Variants in COL5A1 observed in about 807,000 individuals in gnomAD.
COL5A1 encodes the protein collagen alpha-1(V) chain.
In COL5A1, 16 loss-of-function variants were observed where a neutral mutation model predicts 263.7. The ratio of observed to expected loss-of-function variants is 0.06; its 90% CI spans 0.04 to 0.09. The LOEUF is 0.09. Ranked by LOEUF, COL5A1 falls within the 10% of genes least tolerant of loss-of-function variation. The pLI is 1.00. For missense variants in COL5A1, 2,036 were observed against 2,540.5 expected (o/e 0.80, Z 4.27); for synonymous variants, 1,012 against 1,004.5 (o/e 1.01, Z -0.14).
At chr9:134,792,520 T>C (rs1291599816) in intron 32 of COL5A1, among the ~76,000 whole-genome samples, 2 of 152,062 alleles carry the variant, frequency 1.3e-5, no homozygotes, top group African/African-American at 4.8e-5. Flanking sequence ...AGATTACAGA[T>C]CGCCTGGCTA....
At chr9:134,704,534 G>A (rs1157441207) in intron 4 of COL5A1, among the ~76,000 whole-genome samples, 2 of 152,178 alleles carry the variant, frequency 1.3e-5, no homozygotes, top group Non-Finnish European at 2.9e-5. Flanking sequence ...CTGGTCGAAC[G>A]GTAAGTCACA....
chr9:134,826,816 G>A (rs866771416), intron 63 of COL5A1, among the ~76,000 whole-genome samples: 3 of 151,170 alleles, frequency 2.0e-5, no homozygotes, highest in East Asian at 3.9e-4. Context: ...AGGTGTGTGG[G>A]TGTGTGGCTG....
rs767266957 is a variant in COL5A1 at position 134,699,945 on chromosome 9, C to A, written c.314C>A (p.Thr105Asn). The change falls in exon 3 of 66, where the codon ACT (threonine) becomes AAT (asparagine). Residue 105 changes from threonine to asparagine, a missense_variant. Physicochemically the swap from Thr to Asn is moderately conservative, Grantham distance 65. Coordinates refer to ENST00000371817, the MANE Select transcript of COL5A1 (RefSeq NM_000093.5). ...CCCGAGGACTTCTCCATCCTAACAA[C>A]TGTGAAAGCCAAGAAAGGCAGCCAG... ...AFPEDFSILT[T>N]VKAKKGSQAF... is the part of the protein sequence containing the mutation. The A allele has an allele frequency of 1.9e-6, 3 of 1,614,026 alleles. No individual in the cohort carries two copies. The highest frequency in any genetic ancestry group is 2.5e-6 in the Non-Finnish European group (3 of 1,180,046).
At chr9:134,728,580 T>C (rs374518705) in intron 5 of COL5A1, 90 bp from the exon 6 acceptor site, 5 of 1,582,014 alleles carry the variant, frequency 3.2e-6, no homozygotes, top group Non-Finnish European at 3.5e-6. Context: ...CGTCGTGGCG[T>C]GCAGATCTGG....
chr9:134,664,937 G>A (rs1447526394), intron 1 of COL5A1, among the ~76,000 whole-genome samples: 1 of 152,104 alleles, frequency 6.6e-6, no homozygotes, highest in Non-Finnish European at 1.5e-5. Flanking sequence ...GGTGGCTCAC[G>A]CCTGTAATTC....
intron 4 of COL5A1, among the ~76,000 whole-genome samples, chr9:134,724,013 G>T (rs1422485047): frequency 6.6e-6 from 1 of 152,010 alleles, no homozygotes; most frequent in Non-Finnish European, 1.5e-5. Context: ...TGAGCCCCGA[G>T]GTCCTCCCCT....
chr9:134,817,884 C>T, intron 54 of COL5A1, 53 bp downstream of exon 54: 2 of 1,532,686 alleles, frequency 1.3e-6, no homozygotes, highest in South Asian at 2.4e-5. Context: ...CCAGGGGAGC[C>T]CAGAGGGTGG....
chr9:134,728,930 G>T, intron 6 of COL5A1, 123 bp downstream of exon 6: 1 of 1,286,624 alleles, frequency 7.8e-7, no homozygotes, highest in South Asian at 1.3e-5. Flanking sequence ...AAGGTTGCGG[G>T]GGCAGCTCAG....
At chr9:134,786,837 C>A (rs1837476771) in intron 31 of COL5A1, among the ~76,000 whole-genome samples, 1 of 152,254 alleles carries the variant, frequency 6.6e-6, no homozygotes, top group South Asian at 2.1e-4. Flanking sequence ...GAGGCATCTC[C>A]TTTTAGCCTC....
chr9:134,822,890 C>A, intron 59 of COL5A1, 108 bp from the exon 60 acceptor site: 2 of 1,218,966 alleles, frequency 1.6e-6, no homozygotes, highest in Non-Finnish European at 2.4e-6. Flanking sequence ...GAGGGGGATG[C>A]GGGTGGGAGA....
At position 134,789,254 on chromosome 9, in the gene COL5A1, C is replaced by T. The variant is rs34636935; in HGVS notation, c.2700+46C>T. Reference sequence around the variant, plus strand: ...GGGCAGGCAGCTTGTTCGGCTGCCTCGGTGCCTAGCAAGTTGGTTCTCCAG... The same window carrying T: ...GGGCAGGCAGCTTGTTCGGCTGCCTTGGTGCCTAGCAAGTTGGTTCTCCAG... On this transcript the variant is annotated intron_variant, in intron 32 of 65. Transcript: ENST00000371817. The surrounding 1 kb of genome is among the most constrained non-coding windows in gnomAD (Gnocchi z 4.8). 71,900 of 1,526,274 alleles carry T rather than the reference C, an allele frequency of 0.047. 1,842 individuals carry two copies. The highest frequency in any genetic ancestry group is 0.054 in the Non-Finnish European group (59,446 of 1,103,852). The allele number at this position is 1,526,274 out of a possible 1,614,324, so 94.5% of individuals were successfully genotyped here.
chr9:134,694,660 A>G (rs879818840), intron 2 of COL5A1, among the ~76,000 whole-genome samples: 12 of 152,202 alleles, frequency 7.9e-5, no homozygotes, highest in Non-Finnish European at 1.8e-4. Context: ...CTCAACCCTG[A>G]GCCACGGTTG....
chr9:134,835,546 C>A (rs1473733791), intron 65 of COL5A1, among the ~76,000 whole-genome samples: 1 of 152,214 alleles, frequency 6.6e-6, no homozygotes, highest in Non-Finnish European at 1.5e-5. Flanking sequence ...CTGGGAGCCT[C>A]CCTCTCCTTG....
chr9:134,700,621 G>A lies in COL5A1; in HGVS notation c.491+499G>A, dbSNP rs1022792085. Among the ~76,000 whole-genome samples the A allele has an allele frequency of 2.6e-5, 4 of 152,090 alleles. No individual in the cohort carries two copies. The highest frequency in any genetic ancestry group is 4.4e-5 in the Non-Finnish European group (3 of 68,016). ...GTGAGGTCATGCCCTGATAATCTCC[G>A]AACGTCTTCAATACATGATTTCTGA... On this transcript the variant is annotated intron_variant, in intron 3 of 65. Transcript: ENST00000371817. This position sits in a 1 kb window ranked among gnomAD's most constrained non-coding sequence, Gnocchi z 4.0.
At chr9:134,759,840 ACGCACACCCCCACACCCCCACAC>A (rs1836227219) in intron 18 of COL5A1, among the ~76,000 whole-genome samples, 1 of 36,396 alleles carries the variant, frequency 2.7e-5, no homozygotes, top group East Asian at 1.1e-3. Context: ...CCCCCCACTC[ACGCACACCCCCACACCCCCACAC>A]TCACACATGC....
At chr9:134,715,997 G>A (rs2132610063) in intron 4 of COL5A1, among the ~76,000 whole-genome samples, 1 of 152,064 alleles carries the variant, frequency 6.6e-6, no homozygotes, top group South Asian at 2.1e-4. Context: ...TGGTGGTGGT[G>A]GTGGTGGTGA....
At chr9:134,752,550 C>T in intron 13 of COL5A1, 39 bp from the exon 14 acceptor site, 1 of 1,559,986 alleles carries the variant, frequency 6.4e-7, no homozygotes, top group East Asian at 2.2e-5. Context: ...AGCACTGCTG[C>T]TGGGGCCCTG....
At chr9:134,810,231 C>G (rs778113433) in intron 43 of COL5A1, 24 bp from the exon 44 acceptor site, 4 of 1,613,594 alleles carry the variant, frequency 2.5e-6, no homozygotes, top group Non-Finnish European at 3.4e-6. Flanking sequence ...GCTTTCTAAC[C>G]GAATCCCCCA....
chr9:134,780,175 C>T (rs780978343), intron 28 of COL5A1, 29 bp downstream of exon 28: 3 of 1,611,632 alleles, frequency 1.9e-6, no homozygotes, highest in Admixed American at 1.7e-5. Flanking sequence ...CCACGGGGCC[C>T]CCTGCTTAGT....
Sources: gnomAD v4.1 joint callset for allele counts (sites outside exome capture counted in the v4.1 genomes callset) on GRCh38, gnomAD v4.1.1 for gene constraint, Gnocchi (gnomAD v3.1) non-coding constraint, MANE v1.5 for transcripts, NCBI Gene and HGNC (gene_info 2026-07-23, HGNC 2026-07-21) for gene names.